Variants in NOB1 observed in about 807,000 individuals in gnomAD.
NOB1 encodes the protein RNA-binding protein NOB1.
Under a neutral mutation model 44.8 loss-of-function variants are expected in NOB1, and 44 were observed. That is an observed-to-expected ratio of 0.98 (90% CI 0.77 to 1.26). NOB1 has a LOEUF of 1.26. Ranked by LOEUF, NOB1 falls within the 50% of genes most tolerant of loss-of-function variation. The pLI, the probability that NOB1 is intolerant of heterozygous loss-of-function variation, is 0.00. For missense variants in NOB1, 560 were observed against 544.8 expected (o/e 1.03, Z -0.28); for synonymous variants, 238 against 218.7 (o/e 1.09, Z -0.78).
chr16:69,752,199 C>T, intron 3 of NOB1, 42 bp downstream of exon 3: 1 of 1,586,854 alleles, frequency 6.3e-7, no homozygotes, highest in Non-Finnish European at 8.6e-7. Flanking sequence ...CCTGACAGTT[C>T]CCATAATACA....
At position 69,749,223 on chromosome 16, in the gene NOB1, T is replaced by A. The variant is rs780699346; in HGVS notation, c.515A>T (p.Gln172Leu). 7 of 1,613,004 alleles carry A rather than the reference T, an allele frequency of 4.3e-6. No individual in the cohort carries two copies. The Admixed American group carries it at 5.0e-5, about 12-fold the overall frequency. ...NPLPNIDHEL[Q>L]ELLIDRGEDV... ...AAGTCAAGGCCTCACCAGCAGCTCCTGCAGTTCATGATCGATGTTGGGCAA... is the reference window on the plus strand; with the variant it reads ...AAGTCAAGGCCTCACCAGCAGCTCCAGCAGTTCATGATCGATGTTGGGCAA... Residue 172 changes from glutamine (Q) to leucine (L), a missense_variant, in exon 5 of 9, where the codon CAG becomes CTG. Coordinates refer to ENST00000268802, the MANE Select transcript of NOB1 (RefSeq NM_014062.3).
At chr16:69,743,555 T>C (rs1056333300) in intron 8 of NOB1, among the ~76,000 whole-genome samples, 2 of 152,200 alleles carry the variant, frequency 1.3e-5, no homozygotes, top group Non-Finnish European at 2.9e-5. Context: ...GGCGTGTTCC[T>C]GCCAAAACTG....
rs543681664 is a variant in NOB1 at position 69,742,265 on chromosome 16, G to A, written c.*67C>T. ...GTGGTCCTGGAGACGACACGGCTGGGGAAATGGGTCACCGGAACTCCACGG... is the reference window on the plus strand; with the variant it reads ...GTGGTCCTGGAGACGACACGGCTGGAGAAATGGGTCACCGGAACTCCACGG... On this transcript the variant is annotated 3_prime_UTR_variant, in exon 9 of 9. Coordinates refer to ENST00000268802, the MANE Select transcript of NOB1 (RefSeq NM_014062.3). The A allele has an allele frequency of 1.0e-5, 16 of 1,564,874 alleles. 1 individual carries two copies. The highest frequency in any genetic ancestry group is 1.7e-4 in the Middle Eastern group (1 of 5,730).
intron 7 of NOB1, 45 bp downstream of exon 7, chr16:69,748,182 AGGAAG>A (rs2038449012): frequency 7.2e-7 from 1 of 1,386,956 alleles, no homozygotes; most frequent in African/African-American, 1.4e-5. Flanking sequence ...AAAAAGAAAC[AGGAAG>A]AGTGTTCCAC....
At chr16:69,753,881 A>C (rs990630607) in intron 2 of NOB1, among the ~76,000 whole-genome samples, 2 of 152,032 alleles carry the variant, frequency 1.3e-5, no homozygotes, top group Non-Finnish European at 2.9e-5. Flanking sequence ...ATCTCGGCTC[A>C]CTGCAACCTC....
At chr16:69,745,819 AG>A (rs528653527) in intron 7 of NOB1, among the ~76,000 whole-genome samples, 2 of 152,232 alleles carry the variant, frequency 1.3e-5, no homozygotes, top group Non-Finnish European at 2.9e-5. Context: ...GTCTCTTGTG[AG>A]TGAACTAAGC....
At chr16:69,747,862 G>C (rs910696420) in intron 7 of NOB1, among the ~76,000 whole-genome samples, 13 of 152,052 alleles carry the variant, frequency 8.5e-5, no homozygotes, top group South Asian at 2.1e-4. Flanking sequence ...GTCTGTAGAA[G>C]AAACAGGAAT....
intron 3 of NOB1, among the ~76,000 whole-genome samples, chr16:69,749,838 C>T (rs376211292): frequency 2.6e-5 from 4 of 151,438 alleles, no homozygotes; most frequent in Admixed American, 6.6e-5. Flanking sequence ...ATTAGCCTGG[C>T]GTGGTGGCAG....
chr16:69,748,407 A>G (rs1280458963), intron 6 of NOB1, 78 bp from the exon 7 acceptor site: 1 of 1,339,408 alleles, frequency 7.5e-7, no homozygotes, highest in Non-Finnish European at 1.1e-6. Context: ...GAACTTCACA[A>G]ACCCTGCCTT....
At chr16:69,744,556 C>G (rs1316010568) in intron 8 of NOB1, among the ~76,000 whole-genome samples, 1 of 152,180 alleles carries the variant, frequency 6.6e-6, no homozygotes, top group Non-Finnish European at 1.5e-5. Context: ...GCTTTCCACA[C>G]CCGTTCCTCT....
intron 3 of NOB1, among the ~76,000 whole-genome samples, chr16:69,750,252 A>G (rs1046413728): frequency 6.6e-6 from 1 of 151,856 alleles, no homozygotes; most frequent in African/African-American, 2.4e-5. Context: ...TGATCTGCCC[A>G]TCTCAGCCTC....
rs202245151 is a variant in NOB1, at chr16:69,754,649, A to G, written c.141T>C (p.Ala47=). ...TGAACCGCAGCTCGTAGGGCAGGAC[A>G]GCGAGCCGCCTGCGTGTGGCCTTGT... ...IRDKATRRRL[A]VLPYELRFKE... is the part of the protein sequence containing the mutation. The change falls in exon 2 of 9, where the codon GCT becomes GCC. Residue 47 remains alanine (A), a synonymous_variant. Coordinates refer to ENST00000268802, the MANE Select transcript of NOB1 (RefSeq NM_014062.3). The G allele has an allele frequency of 6.2e-7, 1 of 1,614,204 alleles. No homozygotes were observed. Among genetic ancestry groups the G allele is most frequent in the Non-Finnish European group, 8.5e-7 (1 of 1,180,054 alleles).
At position 69,742,349 on chromosome 16, in the gene NOB1, ACTT is replaced by A. The variant is rs779725754; in HGVS notation, c.1219_1221del (p.Lys407del). ...CTCGCTCTTCACCTTTTCTTCACAAACTTCTTTCTGGAAGCGTTGGGATTTAAG... is the reference window on the plus strand; with the variant it reads ...CTCGCTCTTCACCTTTTCTTCACAAACTTTCTGGAAGCGTTGGGATTTAAG... On this transcript the variant is annotated inframe_deletion, in exon 9 of 9. Coordinates refer to ENST00000268802, the MANE Select transcript of NOB1 (RefSeq NM_014062.3). 249 of 1,611,368 alleles carry A rather than the reference ACTT, an allele frequency of 1.5e-4. No individual in the cohort carries two copies. Among genetic ancestry groups the A allele is most frequent in the Middle Eastern group, 1.3e-3 (8 of 6,052 alleles).
Position 69,754,880 on chromosome 16 carries a change from C to G in NOB1, c.31G>C (p.Ala11Pro). ...GCCGCATGCCGCAGGAAAGCCCCAG[C>G]ATCCGCCACAACGTGCTCCACTGGA... MAPVEHVVAD[A>P]GAFLRHAALQ... is the part of the protein sequence containing the mutation. The change falls in exon 1 of 9, where the codon GCT (alanine) becomes CCT (proline). Residue 11 changes from alanine to proline, a missense_variant. Ala to Pro is a conservative substitution (Grantham distance 27). Coordinates refer to ENST00000268802, the MANE Select transcript of NOB1 (RefSeq NM_014062.3). The G allele has an allele frequency of 6.3e-7, 1 of 1,594,878 alleles. No homozygotes were observed. The highest frequency in any genetic ancestry group is 8.5e-7 in the Non-Finnish European group (1 of 1,171,888).
intron 7 of NOB1, among the ~76,000 whole-genome samples, chr16:69,746,332 C>A (rs970584356): frequency 1.3e-5 from 2 of 152,230 alleles, no homozygotes; most frequent in African/African-American, 4.8e-5. Flanking sequence ...TGGCAGATGC[C>A]ACCCTAGAGT....
At chr16:69,749,665 T>A in intron 3 of NOB1, 35 bp from the exon 4 acceptor site, 1 of 1,516,410 alleles carries the variant, frequency 6.6e-7, no homozygotes, top group Non-Finnish European at 9.0e-7. Context: ...CCTCTTGTTA[T>A]CAAAATTAAA....
intron 8 of NOB1, among the ~76,000 whole-genome samples, chr16:69,744,585 G>A (rs573018839): frequency 1.3e-5 from 2 of 152,006 alleles, no homozygotes; most frequent in African/African-American, 2.4e-5. Context: ...TGGGCTTCCC[G>A]AGACCCTGCC....
chr16:69,749,451 C>G (rs997103621), intron 4 of NOB1, 108 bp downstream of exon 4: 18 of 1,533,144 alleles, frequency 1.2e-5, no homozygotes, highest in Non-Finnish European at 1.5e-5. Flanking sequence ...GCTGGACAAA[C>G]TATGTTATTG....
At position 69,752,222 on chromosome 16, in the gene NOB1, A is replaced by G; in HGVS notation, c.327+19T>C. 1 of 1,606,262 alleles carries G rather than the reference A, an allele frequency of 6.2e-7. No individual in the cohort carries two copies. On this transcript the variant is annotated intron_variant, in intron 3 of 8. Coordinates refer to ENST00000268802, the MANE Select transcript of NOB1 (RefSeq NM_014062.3). The stretch of plus-strand genomic sequence containing the variant: ...TTCCCATAATACAAAGCTTTTAAAA[A>G]CCCATCCTCTTGATTTACCTTCTGT...
Sources: allele counts gnomAD v4.1 joint callset (sites outside exome capture counted in the v4.1 genomes callset), GRCh38; gene constraint gnomAD v4.1.1; transcripts MANE v1.5; gene names NCBI Gene and HGNC (gene_info 2026-07-23, HGNC 2026-07-21).